The following CDH13 variants were observed in gnomAD, a reference collection of about 807,000 sequenced individuals.
The protein encoded by CDH13 is cadherin 13.
CDH13 carries 24 observed loss-of-function variants against 63.8 expected under a neutral mutation model. The observed-to-expected ratio is 0.38, with a 90% CI of 0.27 to 0.53. The LOEUF is 0.53. Ranked by LOEUF, CDH13 falls within the 20% of genes least tolerant of loss-of-function variation. The probability of loss-of-function intolerance (pLI) is 0.85; values close to 1 mark genes in which losing one functional copy is unlikely to be tolerated. For missense variants in CDH13, 1,049 were observed against 903.1 expected (o/e 1.16, Z -2.07); for synonymous variants, 503 against 355.3 (o/e 1.42, Z -4.67).
intron 1 of CDH13, among the ~76,000 whole-genome samples, chr16:82,786,178 CG>C: frequency 6.6e-6 from 1 of 152,088 alleles, no homozygotes; most frequent in Non-Finnish European, 1.5e-5. Context: ...GGTTGCTTTA[CG>C]AGGAAGTTAA....
At chr16:82,810,358 G>C (rs996724495) in intron 1 of CDH13, among the ~76,000 whole-genome samples, 1 of 152,106 alleles carries the variant, frequency 6.6e-6, no homozygotes, top group Non-Finnish European at 1.5e-5. Context: ...GGAGATGAGA[G>C]GATCTGTCAG....
intron 6 of CDH13, among the ~76,000 whole-genome samples, chr16:83,439,508 C>G (rs11861812): frequency 6.6e-6 from 1 of 152,082 alleles, no homozygotes. Flanking sequence ...GGTTGCTATT[C>G]GGAAGCATGG....
chr16:83,376,752 G>A (rs1032103460), intron 6 of CDH13, among the ~76,000 whole-genome samples: 1 of 152,110 alleles, frequency 6.6e-6, no homozygotes, highest in Admixed American at 6.5e-5. Flanking sequence ...AAATCTTTGA[G>A]CATCTTGTCC....
chr16:83,591,896 TA>T (rs2150737413), intron 7 of CDH13, among the ~76,000 whole-genome samples: 1 of 152,348 alleles, frequency 6.6e-6, no homozygotes, highest in East Asian at 1.9e-4. Context: ...CTACTTTTAA[TA>T]GAGTTTAGGG....
chr16:83,355,029 C>G (rs1372410800), intron 6 of CDH13, among the ~76,000 whole-genome samples: 2 of 152,130 alleles, frequency 1.3e-5, no homozygotes, highest in Non-Finnish European at 1.5e-5. Context: ...TGGCTTAGAA[C>G]TCCATACATT....
chr16:82,992,502 A>G (rs1911769733), intron 2 of CDH13, among the ~76,000 whole-genome samples: 1 of 152,200 alleles, frequency 6.6e-6, no homozygotes, highest in South Asian at 2.1e-4. Context: ...GGGTGGGGAT[A>G]GAATTCAGAA....
At chr16:83,214,401 G>C (rs1029672650) in intron 4 of CDH13, among the ~76,000 whole-genome samples, 3 of 151,722 alleles carry the variant, frequency 2.0e-5, no homozygotes, top group Admixed American at 6.6e-5. Flanking sequence ...CCAACATGGG[G>C]AAAACCCATC....
At chr16:82,938,379 A>G (rs1353702455) in intron 2 of CDH13, among the ~76,000 whole-genome samples, 1 of 152,222 alleles carries the variant, frequency 6.6e-6, no homozygotes, top group East Asian at 1.9e-4. Context: ...TAAATGATCA[A>G]TGTTTCTTTT....
chr16:83,611,630 T>C (rs980136251), intron 8 of CDH13, among the ~76,000 whole-genome samples: 1 of 152,104 alleles, frequency 6.6e-6, no homozygotes, highest in Non-Finnish European at 1.5e-5. Context: ...TTTCAATCTT[T>C]CTTTTTTTCT....
intron 1 of CDH13, among the ~76,000 whole-genome samples, chr16:82,706,634 A>T (rs2031514049): frequency 6.6e-6 from 1 of 151,448 alleles, no homozygotes; most frequent in Non-Finnish European, 1.5e-5. Context: ...GTCTCTACTA[A>T]AACTAAAAAA....
At chr16:82,683,703 A>G (rs904392309) in intron 1 of CDH13, among the ~76,000 whole-genome samples, 5 of 152,214 alleles carry the variant, frequency 3.3e-5, no homozygotes, top group African/African-American at 1.2e-4. Context: ...TTACTGTCCT[A>G]TTCACCAAGC....
At chr16:82,678,541 C>G (rs1444717697) in intron 1 of CDH13, among the ~76,000 whole-genome samples, 3 of 152,166 alleles carry the variant, frequency 2.0e-5, no homozygotes, top group Non-Finnish European at 4.4e-5. Flanking sequence ...TTGAATGAAA[C>G]AAAGCCTTCT....
chr16:83,015,013 G>A (rs979003627), intron 2 of CDH13, among the ~76,000 whole-genome samples: 2 of 150,598 alleles, frequency 1.3e-5, no homozygotes, highest in African/African-American at 2.4e-5. Flanking sequence ...GAGATAATAT[G>A]CAGTCATAAA....
At chr16:83,203,511 C>T (rs1391546429) in intron 4 of CDH13, among the ~76,000 whole-genome samples, 1 of 150,860 alleles carries the variant, frequency 6.6e-6, no homozygotes, top group East Asian at 2.0e-4. Flanking sequence ...ATGGTGAAAC[C>T]CCGTCTCTAC....
intron 5 of CDH13, among the ~76,000 whole-genome samples, chr16:83,265,329 T>G (rs142881139): frequency 2.4e-4 from 36 of 152,322 alleles, no homozygotes; most frequent in African/African-American, 8.2e-4. Flanking sequence ...CTGGATTATG[T>G]GTGTATTTCG....
chr16:82,802,778 G>T (rs1210087284), intron 1 of CDH13, among the ~76,000 whole-genome samples: 1 of 152,126 alleles, frequency 6.6e-6, no homozygotes, highest in Non-Finnish European at 1.5e-5. Flanking sequence ...GTACATTTCT[G>T]CCTCCCTCTT....
At chr16:83,256,526 C>G (rs547366829) in intron 5 of CDH13, among the ~76,000 whole-genome samples, 8 of 151,838 alleles carry the variant, frequency 5.3e-5, no homozygotes, top group Admixed American at 5.2e-4. Context: ...AGGATATGTT[C>G]CCTGACCTCA....
At chr16:83,058,292 C>T (rs746495444) in intron 3 of CDH13, among the ~76,000 whole-genome samples, 1 of 152,126 alleles carries the variant, frequency 6.6e-6, no homozygotes, top group Non-Finnish European at 1.5e-5. Context: ...CTGCACTCAT[C>T]AAATAAAGAG....
At chr16:82,876,124 G>A (rs535490686) in intron 2 of CDH13, among the ~76,000 whole-genome samples, 6 of 152,248 alleles carry the variant, frequency 3.9e-5, no homozygotes, top group South Asian at 2.1e-4. Flanking sequence ...ACTTCCTACC[G>A]GTCCCTCCCA....
Sources: allele counts gnomAD v4.1 joint callset (sites outside exome capture counted in the v4.1 genomes callset), GRCh38; gene constraint gnomAD v4.1.1; transcripts MANE v1.5; gene names NCBI Gene and HGNC (gene_info 2026-07-23, HGNC 2026-07-21).